The following HIVEP3 variants were observed in gnomAD, a reference collection of about 807,000 sequenced individuals.
HIVEP3 encodes transcription factor HIVEP3.
Under a neutral mutation model 152.8 loss-of-function variants are expected in HIVEP3, and 49 were observed. The observed-to-expected ratio is 0.32, with a 90% CI of 0.26 to 0.41. HIVEP3 has a LOEUF of 0.41. HIVEP3 is among the 10% of genes least tolerant of loss of function. HIVEP3 has a pLI of 1.00. For synonymous variants in HIVEP3, 1,269 were observed against 1,289.0 expected, an observed-to-expected ratio of 0.98 and a Z score of 0.33; for missense variants, 2,790 against 3,103.3, an observed-to-expected ratio of 0.90 and a Z score of 2.40.
At position 41,511,177 on chromosome 1, in the gene HIVEP3, G is replaced by A. The variant is rs780704582; in HGVS notation, c.6495C>T (p.His2165=). The change falls in exon 9 of 9, where the codon CAC becomes CAT. Residue 2165 remains histidine, a synonymous_variant. Transcript: ENST00000372583. This position sits in a 1 kb window ranked among gnomAD's most constrained non-coding sequence, Gnocchi z 4.9. ...CCTCTGTCCGGGCCAGGATGTGGCC[G>A]TGGAAGTCATGGAGGGCGGAGAAGG... ...SRPFSALHDF[H]GHILARTEEN... 57 of 1,614,058 alleles carry A rather than the reference G, an allele frequency of 3.5e-5. No homozygotes were observed. The highest frequency in any genetic ancestry group is 5.5e-5 in the South Asian group (5 of 91,088).
chr1:41,710,246 G>C (rs1646492645), intron 1 of HIVEP3, among the ~76,000 whole-genome samples: 1 of 152,082 alleles, frequency 6.6e-6, no homozygotes, highest in African/African-American at 2.4e-5. Context: ...CCCCAAAATA[G>C]TCCCTGGGGG....
rs1303375187 is a variant in HIVEP3 at position 41,510,474 on chromosome 1, C to T, written c.7198G>A (p.Asp2400Asn). Residue 2400 changes from aspartate (D) to asparagine (N), a missense_variant, in exon 9 of 9, where the codon GAC becomes AAC. Around this residue, in one of 9 missense-constraint regions of HIVEP3, gnomAD observed 816 missense variants for 806.5 expected, o/e 1.01. Transcript: ENST00000372583. ...GGCTAAGCGTTGGGGGGAACCCTGT[C>T]CTCAGGCTGATGTGGATGTGCCCTG... The part of the protein sequence containing the change: ...EPRAHPHQPE[D>N]RVPPNA 6.5e-7 allele frequency: 1 copy of T among 1,541,050 alleles called. No individual in the cohort carries two copies. Among genetic ancestry groups the T allele is most frequent in the African/African-American group, 1.4e-5 (1 of 72,200 alleles).
chr1:41,932,616 G>C (rs1432192844), intron 1 of HIVEP3, among the ~76,000 whole-genome samples: 1 of 151,788 alleles, frequency 6.6e-6, no homozygotes, highest in East Asian at 1.9e-4. Context: ...ATCTTTCAAA[G>C]AACCAGCTTT....
At chr1:41,874,819 A>C (rs1644141482) in intron 1 of HIVEP3, among the ~76,000 whole-genome samples, 1 of 152,196 alleles carries the variant, frequency 6.6e-6, no homozygotes, top group African/African-American at 2.4e-5. Context: ...CCAGTCCCTG[A>C]GGAAAGGATT....
intron 2 of HIVEP3, among the ~76,000 whole-genome samples, chr1:41,641,571 T>C (rs1310760189): frequency 2.0e-5 from 3 of 152,256 alleles, no homozygotes; most frequent in Non-Finnish European, 4.4e-5. Flanking sequence ...TTTTGGACTT[T>C]GTGGCTGTTT....
chr1:41,697,486 C>T (rs1387779797), intron 2 of HIVEP3, among the ~76,000 whole-genome samples: 1 of 152,216 alleles, frequency 6.6e-6, no homozygotes, highest in Non-Finnish European at 1.5e-5. Context: ...CAGAGCTACC[C>T]ATGGGAACCT....
intron 1 of HIVEP3, among the ~76,000 whole-genome samples, chr1:41,709,918 T>C (rs759829591): frequency 6.6e-6 from 1 of 152,048 alleles, no homozygotes; most frequent in Non-Finnish European, 1.5e-5. Context: ...AGGTGATGAA[T>C]AGGCATTTTG....
chr1:41,720,357 T>C (rs1008010884), intron 1 of HIVEP3, among the ~76,000 whole-genome samples: 1 of 152,204 alleles, frequency 6.6e-6, no homozygotes, highest in Non-Finnish European at 1.5e-5. Flanking sequence ...CATTCACAGA[T>C]TTACTCCATT....
intron 1 of HIVEP3, among the ~76,000 whole-genome samples, chr1:41,827,177 A>G (rs985138574): frequency 3.9e-5 from 6 of 152,232 alleles, no homozygotes. Flanking sequence ...CAGGTAAGCG[A>G]CATGAACCTG....
intron 2 of HIVEP3, among the ~76,000 whole-genome samples, chr1:41,655,306 C>T (rs932050845): frequency 1.8e-4 from 28 of 152,112 alleles, no homozygotes; most frequent in Admixed American, 1.4e-3. Context: ...TCTGAGGCCG[C>T]GCGCGGTGGC....
intron 1 of HIVEP3, among the ~76,000 whole-genome samples, chr1:41,818,751 T>C (rs1338029420): frequency 6.6e-6 from 1 of 152,122 alleles, no homozygotes; most frequent in Non-Finnish European, 1.5e-5. Flanking sequence ...CCATGCACTG[T>C]GGAGATTTAA....
intron 5 of HIVEP3, among the ~76,000 whole-genome samples, chr1:41,569,675 A>G (rs1159109342): frequency 4.6e-5 from 7 of 152,204 alleles, no homozygotes; most frequent in Non-Finnish European, 1.5e-5. Flanking sequence ...TAAAACTAAC[A>G]CTATTCTCTC....
chr1:41,976,163 C>T (rs1371056138), intron 1 of HIVEP3, among the ~76,000 whole-genome samples: 1 of 152,230 alleles, frequency 6.6e-6, no homozygotes, highest in Non-Finnish European at 1.5e-5. Flanking sequence ...ATTTTTGTGT[C>T]TATTCCACGT....
At chr1:41,568,644 A>C (rs2149094882) in intron 5 of HIVEP3, among the ~76,000 whole-genome samples, 1 of 152,370 alleles carries the variant, frequency 6.6e-6, no homozygotes, top group African/African-American at 2.4e-5. Context: ...GTTGGGAAAA[A>C]TGGGCAGATT....
upstream of HIVEP3, among the ~76,000 whole-genome samples, chr1:41,923,231 G>C (rs1644950391): frequency 6.6e-6 from 1 of 152,206 alleles, no homozygotes. Flanking sequence ...TCAATAAATA[G>C]TGTTGGACTG....
intron 1 of HIVEP3, among the ~76,000 whole-genome samples, chr1:41,892,727 T>G (rs1039958338): frequency 6.6e-6 from 1 of 152,162 alleles, no homozygotes; most frequent in African/African-American, 2.4e-5. Context: ...TGGACTCTGC[T>G]GCTGACAGCT....
intron 1 of HIVEP3, among the ~76,000 whole-genome samples, chr1:42,010,222 G>T (rs1298932446): frequency 6.6e-6 from 1 of 152,144 alleles, no homozygotes; most frequent in Non-Finnish European, 1.5e-5. Context: ...ATAGCAGTGA[G>T]TCATTGTTTT....
chr1:41,834,229 CA>C (rs1643053632), intron 1 of HIVEP3, among the ~76,000 whole-genome samples: 1 of 152,108 alleles, frequency 6.6e-6, no homozygotes, highest in African/African-American at 2.4e-5. Context: ...GGTGTCTCAT[CA>C]GCTCCATCTC....
chr1:42,034,531 C>T (rs1570906124), intron 1 of HIVEP3, among the ~76,000 whole-genome samples: 2 of 152,166 alleles, frequency 1.3e-5, no homozygotes, highest in Admixed American at 1.3e-4. Context: ...TATTGCTTAA[C>T]GAGCAGATAA....
Sources: gnomAD v4.1 joint callset for allele counts (sites outside exome capture counted in the v4.1 genomes callset) on GRCh38, gnomAD v4.1.1 for gene constraint, gnomAD v4.1.1 regional missense constraint, Gnocchi (gnomAD v3.1) non-coding constraint, MANE v1.5 for transcripts, NCBI Gene and HGNC (gene_info 2026-07-23, HGNC 2026-07-21) for gene names.